PPM1E: variants seen among roughly 807,000 people sequenced by gnomAD.
PPM1E encodes protein phosphatase 1E.
In PPM1E, 20 loss-of-function variants were observed where a neutral mutation model predicts 65.9. The ratio of observed to expected loss-of-function variants is 0.30; its 90% CI spans 0.21 to 0.44. PPM1E has a LOEUF of 0.44. Among genes scored for constraint, PPM1E ranks in the 20% least tolerant of loss-of-function variants. The probability of loss-of-function intolerance (pLI) is 1.00; values close to 1 mark genes in which losing one functional copy is unlikely to be tolerated. For missense variants in PPM1E, 713 were observed against 953.1 expected (o/e 0.75, Z 3.32); for synonymous variants, 352 against 374.9 (o/e 0.94, Z 0.70).
intron 1 of PPM1E, among the ~76,000 whole-genome samples, chr17:58,825,256 AC>A (rs1176680485): frequency 7.9e-5 from 12 of 151,682 alleles, no homozygotes; most frequent in South Asian, 4.2e-4. Context: ...ACACACACAC[AC>A]ACACACAAAA....
intron 1 of PPM1E, among the ~76,000 whole-genome samples, chr17:58,928,118 G>C (rs1567877521): frequency 6.6e-6 from 1 of 151,834 alleles, no homozygotes; most frequent in Non-Finnish European, 1.5e-5. Flanking sequence ...TGTGATCTCA[G>C]CTACACGAGA....
At chr17:58,805,974 C>CAAAAAA (rs1341289870) in intron 1 of PPM1E, among the ~76,000 whole-genome samples, 1 of 74,022 alleles carries the variant, frequency 1.4e-5, no homozygotes, top group Non-Finnish European at 2.5e-5. Flanking sequence ...AAAAAAAAAA[C>CAAAAAA]AAAAAAAAAA....
chr17:58,848,203 A>G (rs529192540), intron 1 of PPM1E, among the ~76,000 whole-genome samples: 12 of 152,284 alleles, frequency 7.9e-5, no homozygotes, highest in African/African-American at 2.4e-4. Context: ...TAAATATACA[A>G]TCATGTCATC....
chr17:58,801,242 T>A (rs1467035307), intron 1 of PPM1E, among the ~76,000 whole-genome samples: 2 of 152,144 alleles, frequency 1.3e-5, no homozygotes, highest in Non-Finnish European at 2.9e-5. Flanking sequence ...GAGGAGAGTG[T>A]TGAAATCTCC....
chr17:58,819,254 T>C (rs553132101), intron 1 of PPM1E, among the ~76,000 whole-genome samples: 9 of 152,302 alleles, frequency 5.9e-5, no homozygotes, highest in African/African-American at 2.2e-4. Flanking sequence ...CAAGTGATTC[T>C]CCTGCCTAAG....
At chr17:58,855,419 A>G (rs114976237) in intron 1 of PPM1E, among the ~76,000 whole-genome samples, 80 of 152,336 alleles carry the variant, frequency 5.3e-4, no homozygotes, top group Middle Eastern at 3.4e-3. Flanking sequence ...ACTGAAAGAT[A>G]GAAACCTAAT....
At chr17:58,921,188 G>C (rs1415997825) in intron 1 of PPM1E, among the ~76,000 whole-genome samples, 1 of 152,216 alleles carries the variant, frequency 6.6e-6, no homozygotes. Flanking sequence ...AGAAGGTAGA[G>C]ACAGCAAGTA....
intron 1 of PPM1E, among the ~76,000 whole-genome samples, chr17:58,764,335 T>A (rs1003032810): frequency 1.3e-5 from 2 of 152,152 alleles, no homozygotes; most frequent in African/African-American, 4.8e-5. Flanking sequence ...TAACCATTTT[T>A]AATTAATATT....
At chr17:58,888,345 C>G (rs1355795882) in intron 1 of PPM1E, among the ~76,000 whole-genome samples, 2 of 145,936 alleles carry the variant, frequency 1.4e-5, no homozygotes, top group Non-Finnish European at 3.0e-5. Context: ...GTCTTGTTCC[C>G]TTTTGGACTC....
Position 58,969,606 on chromosome 17 carries a change from C to T in PPM1E, c.851C>T (p.Ala284Val). The T allele has an allele frequency of 6.2e-7, 1 of 1,614,108 alleles. No individual in the cohort carries two copies. The highest frequency in any genetic ancestry group is 2.2e-5 in the East Asian group (1 of 44,876). Reference sequence around the variant, plus strand: ...GGGGGAGTAGATGCTGCTATTTATGCCTCCATTCACCTCCACGTTAACTTA... The same window carrying T: ...GGGGGAGTAGATGCTGCTATTTATGTCTCCATTCACCTCCACGTTAACTTA... ...GHGGVDAAIY[A>V]SIHLHVNLVR... The change falls in exon 4 of 7, where the codon GCC (alanine) becomes GTC (valine). Residue 284 changes from alanine to valine, a missense_variant. By Grantham distance (64) the Ala-to-Val change is moderately conservative. This residue lies in a region of PPM1E where 25 missense variants were observed against 73.9 expected (regional missense o/e 0.34). Transcript: ENST00000308249.
intron 1 of PPM1E, among the ~76,000 whole-genome samples, chr17:58,947,121 T>G (rs1390015622): frequency 7.0e-6 from 1 of 143,706 alleles, no homozygotes; most frequent in Non-Finnish European, 1.5e-5. Flanking sequence ...TTTTTTTTTT[T>G]TTTTTTTTTT....
chr17:58,853,314 C>T (rs1204735715), intron 1 of PPM1E, among the ~76,000 whole-genome samples: 1 of 152,038 alleles, frequency 6.6e-6, no homozygotes, highest in East Asian at 1.9e-4. Flanking sequence ...CAATTTCATT[C>T]TTTTGCTTGT....
At chr17:58,779,955 C>T (rs758963521) in intron 1 of PPM1E, among the ~76,000 whole-genome samples, 6 of 152,084 alleles carry the variant, frequency 3.9e-5, no homozygotes, top group South Asian at 2.1e-4. Context: ...CATAGTGCTC[C>T]GTTACAGGTG....
chr17:58,798,206 C>A (rs1042172249), intron 1 of PPM1E, among the ~76,000 whole-genome samples: 6 of 148,244 alleles, frequency 4.0e-5, no homozygotes, highest in African/African-American at 1.5e-4. Flanking sequence ...ATATTTTCTT[C>A]TGTGTGAATT....
chr17:58,949,832 A>C (rs2052212138), intron 1 of PPM1E, among the ~76,000 whole-genome samples: 1 of 152,118 alleles, frequency 6.6e-6, no homozygotes. Flanking sequence ...CTTGTCCAGG[A>C]AAGATTTTAT....
In PPM1E at chr17:58,787,395, C is replaced by CT. The variant is rs150912736; in HGVS notation, c.464+30944dup. On this transcript the variant is annotated intron_variant, in intron 1 of 6. Coordinates refer to ENST00000308249, the MANE Select transcript of PPM1E (RefSeq NM_014906.5). The stretch of plus-strand genomic sequence containing the variant: ...AAATTTTTCTTTTTTTTCTTTTCTT[C>CT]TTTTTTTTTTAACCCACAGCTAATA... Among the ~76,000 whole-genome samples the CT allele has an allele frequency of 8.2e-3, 1,201 of 147,030 alleles. 15 individuals carry two copies. The highest frequency in any genetic ancestry group is 0.027 in the African/African-American group (1,087 of 40,246).
intron 1 of PPM1E, among the ~76,000 whole-genome samples, chr17:58,954,888 A>G (rs1288561959): frequency 6.6e-6 from 1 of 151,906 alleles, no homozygotes; most frequent in Non-Finnish European, 1.5e-5. Flanking sequence ...TCAAAAAAAA[A>G]AAAAAAAAAA....
At chr17:58,948,252 T>A (rs1417801155) in intron 1 of PPM1E, among the ~76,000 whole-genome samples, 1 of 152,158 alleles carries the variant, frequency 6.6e-6, no homozygotes, top group East Asian at 1.9e-4. Context: ...GGACCAGGAA[T>A]GCTGTTGCGG....
At chr17:58,824,061 G>A (rs2050507465) in intron 1 of PPM1E, among the ~76,000 whole-genome samples, 1 of 152,072 alleles carries the variant, frequency 6.6e-6, no homozygotes, top group Non-Finnish European at 1.5e-5. Flanking sequence ...AAATTTAATG[G>A]ACTATCCCCA....
Sources: gnomAD v4.1 joint callset for allele counts (sites outside exome capture counted in the v4.1 genomes callset) on GRCh38, gnomAD v4.1.1 for gene constraint, gnomAD v4.1.1 regional missense constraint, MANE v1.5 for transcripts, NCBI Gene and HGNC (gene_info 2026-07-23, HGNC 2026-07-21) for gene names.